SH3BGRL2: variants seen among roughly 807,000 people sequenced by gnomAD.
SH3BGRL2 encodes SH3 domain binding glutamate rich protein like 2, also known as SH3 domain-binding glutamic acid-rich-like protein 2.
A neutral mutation model predicts 14.8 loss-of-function variants in SH3BGRL2; 21 were observed. The observed-to-expected ratio is 1.42, with a 90% CI of 1.01 to 2.05. The LOEUF is 2.05. Ranked by LOEUF, SH3BGRL2 falls within the 30% of genes most tolerant of loss-of-function variation. The probability of loss-of-function intolerance (pLI) is 0.00; values close to 1 mark genes in which losing one functional copy is unlikely to be tolerated. For missense variants in SH3BGRL2, 147 were observed against 130.8 expected, an observed-to-expected ratio of 1.12 and a Z score of -0.61; for synonymous variants, 50 against 47.8, an observed-to-expected ratio of 1.05 and a Z score of -0.19.
chr6:79,624,152 G>A, the SH3BGRL2 span, among the ~76,000 whole-genome samples: 1 of 151,844 alleles, frequency 6.6e-6, no homozygotes, highest in African/African-American at 2.4e-5. Context: ...TGTAACTTGT[G>A]TTGCCTAGAA....
the SH3BGRL2 span, among the ~76,000 whole-genome samples, chr6:79,626,075 G>C: frequency 6.6e-6 from 1 of 152,070 alleles, no homozygotes; most frequent in African/African-American, 2.4e-5. Context: ...TTAAGAACAG[G>C]GCAGCCCTAA....
chr6:79,660,415 G>T (rs978293230), intron 1 of SH3BGRL2, among the ~76,000 whole-genome samples: 4 of 152,124 alleles, frequency 2.6e-5, no homozygotes, highest in Non-Finnish European at 5.9e-5. Flanking sequence ...TTTTGTTGTT[G>T]GTTCTGTTCA....
chr6:79,618,912 GTC>G, the SH3BGRL2 span, among the ~76,000 whole-genome samples: 1 of 6,910 alleles, frequency 1.4e-4, no homozygotes, highest in Admixed American at 1.2e-3. Flanking sequence ...GTGAGACTCT[GTC>G]AAAAAAAAAA....
At chr6:79,660,922 T>G (rs1384806668) in intron 1 of SH3BGRL2, among the ~76,000 whole-genome samples, 1 of 152,240 alleles carries the variant, frequency 6.6e-6, no homozygotes, top group East Asian at 1.9e-4. Context: ...CTAGTTTATT[T>G]GTGTAGAGGT....
At chr6:79,691,969 C>T (rs1399067889) in intron 2 of SH3BGRL2, among the ~76,000 whole-genome samples, 1 of 151,952 alleles carries the variant, frequency 6.6e-6, no homozygotes, top group Non-Finnish European at 1.5e-5. Flanking sequence ...TACAGTCCCA[C>T]CAACAGTGTA....
chr6:79,568,104 C>T, the SH3BGRL2 span, among the ~76,000 whole-genome samples: 11 of 152,124 alleles, frequency 7.2e-5, no homozygotes. Context: ...ACAGGAACTG[C>T]TAATACTGCT....
intron 1 of SH3BGRL2, among the ~76,000 whole-genome samples, chr6:79,641,054 G>A (rs1004237239): frequency 2.0e-5 from 3 of 152,008 alleles, no homozygotes; most frequent in Admixed American, 2.0e-4. Context: ...GAGTTAGCTT[G>A]TTTTCCTTCT....
intron 1 of SH3BGRL2, among the ~76,000 whole-genome samples, chr6:79,632,112 T>C (rs183757033): frequency 1.9e-4 from 29 of 152,330 alleles, no homozygotes; most frequent in Admixed American, 1.8e-3. Context: ...TATTTTTACA[T>C]CTTTATGTAA....
intron 2 of SH3BGRL2, among the ~76,000 whole-genome samples, chr6:79,675,656 G>A (rs372423143): frequency 1.3e-5 from 2 of 150,898 alleles, no homozygotes; most frequent in South Asian, 2.1e-4. Context: ...CCACCTATTC[G>A]ATTTTTGTTC....
chr6:79,560,171 G>A, the SH3BGRL2 span, among the ~76,000 whole-genome samples: 2 of 152,080 alleles, frequency 1.3e-5, no homozygotes, highest in African/African-American at 4.8e-5. Flanking sequence ...AGTAATCTTC[G>A]AATATGACCT....
intron 2 of SH3BGRL2, among the ~76,000 whole-genome samples, chr6:79,687,107 T>C (rs760445908): frequency 2.3e-4 from 35 of 152,142 alleles, no homozygotes; most frequent in Non-Finnish European, 4.6e-4. Context: ...AAAAACTGTC[T>C]AAGCCATTAC....
the SH3BGRL2 span, among the ~76,000 whole-genome samples, chr6:79,563,771 A>G: frequency 6.6e-6 from 1 of 152,232 alleles, no homozygotes; most frequent in Non-Finnish European, 1.5e-5. Flanking sequence ...TGTTCAACCA[A>G]AATTGCCAGT....
At chr6:79,605,387 A>T in the SH3BGRL2 span, among the ~76,000 whole-genome samples, 1 of 152,256 alleles carries the variant, frequency 6.6e-6, no homozygotes, top group Non-Finnish European at 1.5e-5. Flanking sequence ...ACTATTAATC[A>T]TGTAAATGAA....
the SH3BGRL2 span, among the ~76,000 whole-genome samples, chr6:79,600,084 A>C: frequency 6.6e-6 from 1 of 152,186 alleles, no homozygotes; most frequent in African/African-American, 2.4e-5. Flanking sequence ...CCTGCAAGTT[A>C]GCTCACTGCA....
chr6:79,562,246 A>G, the SH3BGRL2 span, among the ~76,000 whole-genome samples: 1 of 152,178 alleles, frequency 6.6e-6, no homozygotes, highest in Admixed American at 6.5e-5. Flanking sequence ...ATGTATACAC[A>G]TATATAATTT....
chr6:79,674,866 A>T (rs1769849941), intron 2 of SH3BGRL2, among the ~76,000 whole-genome samples: 1 of 152,140 alleles, frequency 6.6e-6, no homozygotes, highest in African/African-American at 2.4e-5. Context: ...TTTAAGCCCC[A>T]GTTTTCTTAT....
At chr6:79,638,226 C>T (rs1393292756) in intron 1 of SH3BGRL2, among the ~76,000 whole-genome samples, 3 of 152,036 alleles carry the variant, frequency 2.0e-5, no homozygotes, top group Non-Finnish European at 4.4e-5. Flanking sequence ...TCTTTCTGTC[C>T]CTGGCTTATT....
the SH3BGRL2 span, among the ~76,000 whole-genome samples, chr6:79,559,123 CT>C: frequency 6.6e-6 from 1 of 152,274 alleles, no homozygotes; most frequent in South Asian, 2.1e-4. Context: ...ATAGTTACCA[CT>C]TTTTCCATTA....
chr6:79,553,487 C>T, the SH3BGRL2 span, among the ~76,000 whole-genome samples: 1 of 152,110 alleles, frequency 6.6e-6, no homozygotes. Context: ...TTTGGTTTCA[C>T]TTTGTTTCTT....
Sources: gnomAD v4.1 joint callset for allele counts (sites outside exome capture counted in the v4.1 genomes callset) on GRCh38, gnomAD v4.1.1 for gene constraint, MANE v1.5 for transcripts, NCBI Gene and HGNC (gene_info 2026-07-23, HGNC 2026-07-21) for gene names.